The following IL26 variants were observed in gnomAD, a reference collection of about 807,000 sequenced individuals.
IL26 encodes interleukin 26.
IL26 carries 23 observed loss-of-function variants against 21.7 expected under a neutral mutation model. The observed-to-expected ratio is 1.06, with a 90% CI of 0.76 to 1.50. The LOEUF (loss-of-function observed/expected upper bound fraction) is 1.50. IL26 is among the 40% of genes most tolerant of loss of function. IL26 has a pLI of 0.00. For missense variants in IL26, 204 were observed against 196.0 expected, an observed-to-expected ratio of 1.04 and a Z score of -0.24; for synonymous variants, 63 against 67.8, an observed-to-expected ratio of 0.93 and a Z score of 0.34.
Position 68,225,240 on chromosome 12 carries a change from T to C in IL26, c.272A>G (p.Glu91Gly). 6.2e-7 allele frequency: 1 copy of C among 1,613,708 alleles called. No individual in the cohort carries two copies. The highest frequency in any genetic ancestry group is 2.2e-5 in the East Asian group (1 of 44,876). ...FQEQLLSFFM[E>G]DVFGQLQLQG... ...CAATTGCAGTTGACCAAAAACGTCT[T>C]CCATGAAGAAGGACAGAAGCTGTTC... Residue 91 changes from glutamate (E) to glycine (G), a missense_variant, in exon 3 of 5, where the codon GAA becomes GGA. Glu to Gly is a moderately conservative substitution (Grantham distance 98). Coordinates refer to ENST00000229134, the MANE Select transcript of IL26 (RefSeq NM_018402.2).
chr12:68,225,057 T>C, intron 3 of IL26, 92 bp downstream of exon 3: 1 of 1,313,736 alleles, frequency 7.6e-7, no homozygotes, highest in Admixed American at 2.6e-5. Flanking sequence ...AAGCTCGTTT[T>C]ACTCACCCTT....
At chr12:68,222,140 G>A (rs1869063329) in intron 3 of IL26, among the ~76,000 whole-genome samples, 1 of 152,126 alleles carries the variant, frequency 6.6e-6, no homozygotes, top group Admixed American at 6.5e-5. Flanking sequence ...ACACTGATAA[G>A]AGCATTTAAA....
intron 3 of IL26, among the ~76,000 whole-genome samples, chr12:68,212,118 C>T (rs1868750321): frequency 6.6e-6 from 1 of 152,164 alleles, no homozygotes; most frequent in Admixed American, 6.5e-5. Context: ...TTCCCAGCAT[C>T]ATTTATTGAA....
chr12:68,201,607 T>G lies in IL26; in HGVS notation c.*238A>C. 1 of 369,778 alleles carries G rather than the reference T, an allele frequency of 2.7e-6. No homozygotes were observed. The highest frequency in any genetic ancestry group is 6.0e-5 in the South Asian group (1 of 16,736). The allele number at this position is 369,778 out of a possible 1,614,324, so 22.9% of individuals were successfully genotyped here. Reference sequence around the variant, plus strand: ...TAAGTTGACACAATGTACTTGTGAATGACAAAACATGTTCAGAATGGAAAC... The same window carrying G: ...TAAGTTGACACAATGTACTTGTGAAGGACAAAACATGTTCAGAATGGAAAC... On this transcript the variant is annotated 3_prime_UTR_variant, in exon 5 of 5. Coordinates refer to ENST00000229134, the MANE Select transcript of IL26 (RefSeq NM_018402.2).
At position 68,225,475 on chromosome 12, in the gene IL26, A is replaced by G. The variant is rs1260327824; in HGVS notation, c.197T>C (p.Leu66Ser). Reference protein sequence around the residue: ...IPEDRIKNIRLLKKKTKKQFM... With the variant: ...IPEDRIKNIRSLKKKTKKQFM... ...CTGCTTTTTTGTTTTCTTTTTTAAT[A>G]ATCGTATATTTTTTATGCGGTCTTC... is the stretch of plus-strand genomic sequence containing the variant. Residue 66 changes from leucine (L) to serine (S), a missense_variant, in exon 2 of 5, where the codon TTA becomes TCA. By Grantham distance (145) the Leu-to-Ser change is moderately radical. Coordinates refer to ENST00000229134, the MANE Select transcript of IL26 (RefSeq NM_018402.2). 3 of 1,589,362 alleles carry G rather than the reference A, an allele frequency of 1.9e-6. No homozygotes were observed.
chr12:68,208,611 T>C (rs529401249), intron 3 of IL26, among the ~76,000 whole-genome samples: 1 of 152,236 alleles, frequency 6.6e-6, no homozygotes, highest in South Asian at 2.1e-4. Context: ...CAAGCAATAC[T>C]CCTGCCTCAG....
intron 3 of IL26, among the ~76,000 whole-genome samples, chr12:68,216,141 A>G (rs1185415255): frequency 6.6e-6 from 1 of 151,784 alleles, no homozygotes; most frequent in Non-Finnish European, 1.5e-5. Flanking sequence ...AATACAAAAA[A>G]TTAGCCAGGC....
At position 68,211,219 on chromosome 12, in the gene IL26, C is replaced by T. The variant is rs139047261; in HGVS notation, c.364-9136G>A. Among the ~76,000 whole-genome samples the T allele has an allele frequency of 5.3e-3, 805 of 152,230 alleles. 7 individuals carry two copies. Among genetic ancestry groups the T allele is most frequent in the African/African-American group, 0.018 (752 of 41,558 alleles). On this transcript the variant is annotated intron_variant, in intron 3 of 4. Transcript: ENST00000229134. ...TCCATGCCTGGCTTCCTTCACTTAACGTAAAAACCTCTGTTCCATCCATGT... is the reference window on the plus strand; with the variant it reads ...TCCATGCCTGGCTTCCTTCACTTAATGTAAAAACCTCTGTTCCATCCATGT...
At chr12:68,217,564 A>G (rs903246127) in intron 3 of IL26, among the ~76,000 whole-genome samples, 1 of 152,164 alleles carries the variant, frequency 6.6e-6, no homozygotes, top group Non-Finnish European at 1.5e-5. Flanking sequence ...TATTTATTGA[A>G]TTATCCCAGC....
In IL26 at chr12:68,224,049, T is replaced by C. The variant is rs112373713; in HGVS notation, c.363+1100A>G. Among the ~76,000 whole-genome samples the C allele has an allele frequency of 2.4e-3, 300 of 123,726 alleles. 4 individuals carry two copies. The highest frequency in any genetic ancestry group is 0.011 in the African/African-American group (234 of 21,578). The allele number at this position is 123,726 out of a possible 152,430, so 81.2% of individuals were successfully genotyped here. ...TCTTAAAAAATAAACACCCCCCCCC[T>C]CTAATGGCCCAGTGTTTAAGTCTCA... On this transcript the variant is annotated intron_variant, in intron 3 of 4. Transcript: ENST00000229134.
At chr12:68,215,852 A>T (rs866540211) in intron 3 of IL26, among the ~76,000 whole-genome samples, 22 of 151,404 alleles carry the variant, frequency 1.5e-4, no homozygotes, top group Middle Eastern at 3.4e-3. Flanking sequence ...TTTTATTTTT[A>T]TTTTTGTTTT....
At chr12:68,220,135 A>C (rs1869005534) in intron 3 of IL26, among the ~76,000 whole-genome samples, 1 of 152,172 alleles carries the variant, frequency 6.6e-6, no homozygotes, top group African/African-American at 2.4e-5. Flanking sequence ...AATCTTGCCA[A>C]ACATTTAAGA....
At chr12:68,214,524 A>T (rs577347212) in intron 3 of IL26, among the ~76,000 whole-genome samples, 1 of 152,186 alleles carries the variant, frequency 6.6e-6, no homozygotes, top group African/African-American at 2.4e-5. Context: ...CTTATGTTGC[A>T]TGCATAGATA....
intron 3 of IL26, among the ~76,000 whole-genome samples, chr12:68,212,809 T>A (rs1868771498): frequency 2.6e-5 from 4 of 152,260 alleles, no homozygotes; most frequent in African/African-American, 7.2e-5. Flanking sequence ...TTAGGATATT[T>A]TGAATATAAG....
intron 3 of IL26, among the ~76,000 whole-genome samples, chr12:68,211,911 G>A (rs11570944): frequency 6.6e-6 from 1 of 151,214 alleles, no homozygotes; most frequent in Non-Finnish European, 1.5e-5. Context: ...TTTTTCTTTG[G>A]TTGTCTGTAC....
At chr12:68,213,496 T>C (rs1311773113) in intron 3 of IL26, among the ~76,000 whole-genome samples, 2 of 152,102 alleles carry the variant, frequency 1.3e-5, no homozygotes, top group African/African-American at 4.8e-5. Context: ...ACTGAATCCA[T>C]TATGTCCTGG....
intron 3 of IL26, among the ~76,000 whole-genome samples, chr12:68,209,456 A>T (rs1817534147): frequency 6.6e-6 from 1 of 152,192 alleles, no homozygotes; most frequent in African/African-American, 2.4e-5. Context: ...TTAACTCAAG[A>T]TACAATCGAT....
chr12:68,222,517 CTATAG>C (rs1380046477), intron 3 of IL26, among the ~76,000 whole-genome samples: 1 of 152,216 alleles, frequency 6.6e-6, no homozygotes, highest in African/African-American at 2.4e-5. Flanking sequence ...CCTGTTTAGC[CTATAG>C]CATCATACTA....
intron 3 of IL26, among the ~76,000 whole-genome samples, chr12:68,205,663 A>AGAGGCAGGG (rs1176648000): frequency 1.3e-5 from 2 of 152,144 alleles, no homozygotes; most frequent in Non-Finnish European, 2.9e-5. Flanking sequence ...GGGAGGCAGG[A>AGAGGCAGGG]GAGGCAGGCA....
Sources: gnomAD v4.1 joint callset for allele counts (sites outside exome capture counted in the v4.1 genomes callset) on GRCh38, gnomAD v4.1.1 for gene constraint, MANE v1.5 for transcripts, NCBI Gene and HGNC (gene_info 2026-07-23, HGNC 2026-07-21) for gene names.